The following SDK2 variants were observed in gnomAD, a reference collection of about 807,000 sequenced individuals.
SDK2 encodes protein sidekick-2.
A neutral mutation model predicts 253.9 loss-of-function variants in SDK2; 105 were observed. The observed-to-expected ratio is 0.41, with a 90% CI of 0.35 to 0.49. The LOEUF is 0.49. Among genes scored for constraint, SDK2 ranks in the 20% least tolerant of loss-of-function variants. The pLI, the probability that SDK2 is intolerant of heterozygous loss-of-function variation, is 0.06. For synonymous variants in SDK2, 1,249 were observed against 1,234.9 expected, an observed-to-expected ratio of 1.01 and a Z score of -0.24; for missense variants, 2,608 against 3,003.0, an observed-to-expected ratio of 0.87 and a Z score of 3.07.
intron 1 of SDK2, among the ~76,000 whole-genome samples, chr17:73,524,259 G>C (rs986117008): frequency 6.6e-6 from 1 of 152,206 alleles, no homozygotes; most frequent in Non-Finnish European, 1.5e-5. Flanking sequence ...AGGAGGCACA[G>C]TGTGATTGAT....
At chr17:73,393,242 CAA>C (rs11443969) in intron 27 of SDK2, among the ~76,000 whole-genome samples, 1 of 85,542 alleles carries the variant, frequency 1.2e-5, no homozygotes, top group East Asian at 3.5e-4. Context: ...GATACTCTAT[CAA>C]AAAAAAAAAA....
Position 73,402,120 on chromosome 17 carries a change from G to A in SDK2, c.2506C>T (p.Gln836Ter). The A allele has an allele frequency of 6.2e-7, 1 of 1,613,822 alleles. No homozygotes were observed. The highest frequency in any genetic ancestry group is 8.5e-7 in the Non-Finnish European group (1 of 1,179,762). ...GTCACCATGGTAACCTCCTCTTCCT[G>A]TTCCGGCTCCCAGGCGATCAGCTGC... ...GYKLIAWEPEQEEEVTMVTAR... is the reference protein window; with the variant it reads ...GYKLIAWEPE The change falls in exon 19 of 45, where the codon CAG becomes TAG. Residue 836 changes from glutamine to a stop codon, truncating the protein, a stop_gained. Transcript: ENST00000392650. LOFTEE classifies it high-confidence loss of function.
At chr17:73,528,332 G>C (rs941822572) in intron 1 of SDK2, among the ~76,000 whole-genome samples, 3 of 152,206 alleles carry the variant, frequency 2.0e-5, no homozygotes, top group Admixed American at 6.5e-5. Context: ...CCCATTCCTA[G>C]TCTGTGCAGG....
intron 1 of SDK2, among the ~76,000 whole-genome samples, chr17:73,560,122 G>C (rs1051157832): frequency 1.3e-5 from 2 of 152,298 alleles, no homozygotes; most frequent in South Asian, 4.1e-4. Flanking sequence ...ATCCAGCTAA[G>C]GGCAAACTGC....
At chr17:73,599,348 A>G (rs1337057167) in intron 1 of SDK2, among the ~76,000 whole-genome samples, 1 of 152,168 alleles carries the variant, frequency 6.6e-6, no homozygotes, top group Non-Finnish European at 1.5e-5. Flanking sequence ...CCTGGCCAAC[A>G]TGGCGAAACC....
At chr17:73,489,957 C>G (rs1430057055) in intron 2 of SDK2, among the ~76,000 whole-genome samples, 1 of 152,174 alleles carries the variant, frequency 6.6e-6, no homozygotes, top group Non-Finnish European at 1.5e-5. Flanking sequence ...CAAAAGAGGA[C>G]AAAGGGCACA....
intron 2 of SDK2, among the ~76,000 whole-genome samples, chr17:73,472,699 A>G (rs1350338862): frequency 6.6e-6 from 1 of 152,200 alleles, no homozygotes; most frequent in Non-Finnish European, 1.5e-5. Flanking sequence ...AAAATTACAG[A>G]CAGCCCCTGA....
At chr17:73,405,591 C>T (rs1348827064) in intron 18 of SDK2, among the ~76,000 whole-genome samples, 2 of 145,854 alleles carry the variant, frequency 1.4e-5, no homozygotes, top group African/African-American at 5.1e-5. Context: ...TATGCATGTA[C>T]AGCAAATCAT....
chr17:73,636,179 G>A (rs935001002), intron 1 of SDK2, among the ~76,000 whole-genome samples: 1 of 152,096 alleles, frequency 6.6e-6, no homozygotes, highest in African/African-American at 2.4e-5. Context: ...GAGAGGCCTG[G>A]GTTCACATCC....
In SDK2 at chr17:73,496,509, G is replaced by A. The variant is rs983358818; in HGVS notation, c.224+10929C>T. On this transcript the variant is annotated intron_variant, in intron 2 of 44. Transcript: ENST00000392650. The surrounding 1 kb of genome is among the most constrained non-coding windows in gnomAD (Gnocchi z 4.7). ...AGACCACGGGTGCACGATGCGTTCTGCCCATTAGCGAAGGGAGTTAGTGAG... is the reference window on the plus strand; with the variant it reads ...AGACCACGGGTGCACGATGCGTTCTACCCATTAGCGAAGGGAGTTAGTGAG... Among the ~76,000 whole-genome samples the A allele has an allele frequency of 6.6e-6, 1 of 152,178 alleles. No homozygotes were observed. Among genetic ancestry groups the A allele is most frequent in the African/African-American group, 2.4e-5 (1 of 41,450 alleles).
At chr17:73,572,471 G>A (rs2045401731) in intron 1 of SDK2, among the ~76,000 whole-genome samples, 1 of 138,862 alleles carries the variant, frequency 7.2e-6, no homozygotes, top group South Asian at 2.3e-4. Context: ...CCCCAGCCCT[G>A]CCCTCCCTTC....
At chr17:73,450,711 C>A (rs12449491) in intron 4 of SDK2, among the ~76,000 whole-genome samples, 46,353 of 152,084 alleles carry the variant, frequency 0.3, 7,487 homozygotes, top group South Asian at 0.37. Context: ...GGTTCTCAAC[C>A]AGGGTTGACT....
chr17:73,406,964 G>A (rs961620173), intron 18 of SDK2, among the ~76,000 whole-genome samples: 3 of 152,194 alleles, frequency 2.0e-5, no homozygotes, highest in Non-Finnish European at 4.4e-5. Flanking sequence ...TGGGAATAAC[G>A]TAGGTGGGTA....
Position 73,431,732 on chromosome 17 carries a change from G to C in SDK2, c.1313-63C>G. On this transcript the variant is annotated intron_variant, in intron 10 of 44. Coordinates refer to ENST00000392650, the MANE Select transcript of SDK2 (RefSeq NM_001144952.2). This position sits in a 1 kb window ranked among gnomAD's most constrained non-coding sequence, Gnocchi z 5.6. ...CCAAGGGCACACCCTGCCCTTCCCT[G>C]GCCGCTCCAGGGCAGCATGGTCCCC... 1 of 1,481,374 alleles carries C rather than the reference G, an allele frequency of 6.8e-7. No individual in the cohort carries two copies. The highest frequency in any genetic ancestry group is 1.3e-5 in the South Asian group (1 of 76,436). 91.8% of individuals were successfully genotyped at this position (1,481,374 alleles called of 1,614,324 possible). A position where few individuals can be genotyped will look rare whatever the true frequency, so the allele number is the denominator to read the frequency against.
intron 38 of SDK2, among the ~76,000 whole-genome samples, chr17:73,362,682 T>A (rs1018152298): frequency 6.6e-6 from 1 of 152,148 alleles, no homozygotes; most frequent in African/African-American, 2.4e-5. Context: ...TGAACCACTA[T>A]GCCCAGTCCA....
intron 2 of SDK2, among the ~76,000 whole-genome samples, chr17:73,498,928 C>T (rs2063864560): frequency 2.0e-5 from 3 of 152,206 alleles, no homozygotes; most frequent in South Asian, 4.1e-4. Context: ...CGTGTACTGG[C>T]TGTGTGACCT....
intron 1 of SDK2, among the ~76,000 whole-genome samples, chr17:73,613,836 A>G (rs1170694437): frequency 1.3e-5 from 2 of 152,186 alleles, no homozygotes; most frequent in African/African-American, 2.4e-5. Flanking sequence ...CTCAGATTCC[A>G]CAGGGAAGGA....
rs1281750785 is a variant in SDK2 at position 73,383,778 on chromosome 17, G to C, written c.4705+98C>G. On this transcript the variant is annotated intron_variant, in intron 33 of 44. Coordinates refer to ENST00000392650, the MANE Select transcript of SDK2 (RefSeq NM_001144952.2). This position sits in a 1 kb window ranked among gnomAD's most constrained non-coding sequence, Gnocchi z 4.3. ...CATGGAGGAGGGAGGCAAGGTTTCA[G>C]GTTAGAGTGGTTCCAGGAAGCTGAG... The C allele has an allele frequency of 2.0e-6, 3 of 1,486,154 alleles. No individual in the cohort carries two copies. In the African/African-American group the frequency reaches 4.2e-5, roughly 21 times the overall value. 92.1% of individuals were successfully genotyped at this position (1,486,154 alleles called of 1,614,324 possible). A position where few individuals can be genotyped will look rare whatever the true frequency, so the allele number is the denominator to read the frequency against.
At chr17:73,451,465 T>C (rs1259370945) in intron 4 of SDK2, among the ~76,000 whole-genome samples, 3 of 152,146 alleles carry the variant, frequency 2.0e-5, no homozygotes, top group Admixed American at 6.5e-5. Context: ...GATCGTGCCA[T>C]TGCACTCCAG....
Sources: allele counts gnomAD v4.1 joint callset (sites outside exome capture counted in the v4.1 genomes callset), GRCh38; gene constraint gnomAD v4.1.1; non-coding constraint Gnocchi (gnomAD v3.1); transcripts MANE v1.5; gene names NCBI Gene and HGNC (gene_info 2026-07-23, HGNC 2026-07-21).